The following MIPEP variants were observed in gnomAD, a reference collection of about 807,000 sequenced individuals.
The protein encoded by MIPEP is mitochondrial intermediate peptidase.
MIPEP carries 79 observed loss-of-function variants against 90.3 expected under a neutral mutation model. That is an observed-to-expected ratio of 0.87 (90% CI 0.73 to 1.05). The LOEUF is 1.05. Among genes scored for constraint, MIPEP ranks in the 50% least tolerant of loss-of-function variants. The pLI is 0.00. For missense variants in MIPEP, 940 were observed against 905.6 expected, an observed-to-expected ratio of 1.04 and a Z score of -0.49; for synonymous variants, 334 against 315.8, an observed-to-expected ratio of 1.06 and a Z score of -0.61.
At chr13:23,733,528 G>A (rs774911906) in intron 18 of MIPEP, among the ~76,000 whole-genome samples, 1 of 152,156 alleles carries the variant, frequency 6.6e-6, no homozygotes, top group Non-Finnish European at 1.5e-5. Flanking sequence ...GGTGGAAGGG[G>A]ACACTCCATG....
chr13:23,773,598 C>CA (rs1424973295), intron 16 of MIPEP, among the ~76,000 whole-genome samples: 2 of 152,120 alleles, frequency 1.3e-5, no homozygotes, highest in Non-Finnish European at 2.9e-5. Flanking sequence ...ATGAGGGTTC[C>CA]AATTTCTCCA....
intron 9 of MIPEP, among the ~76,000 whole-genome samples, chr13:23,859,550 G>T (rs1870198579): frequency 6.6e-6 from 1 of 152,176 alleles, no homozygotes; most frequent in African/African-American, 2.4e-5. Flanking sequence ...AGACCAGGCT[G>T]TGAAGACAGA....
intron 18 of MIPEP, among the ~76,000 whole-genome samples, chr13:23,732,351 A>G (rs957572752): frequency 1.3e-5 from 2 of 152,128 alleles, no homozygotes; most frequent in African/African-American, 4.8e-5. Flanking sequence ...GGATAAAATG[A>G]TACAATCACT....
At chr13:23,843,809 C>T (rs1869412440) in intron 10 of MIPEP, among the ~76,000 whole-genome samples, 1 of 152,130 alleles carries the variant, frequency 6.6e-6, no homozygotes, top group African/African-American at 2.4e-5. Context: ...GCAAACGTCT[C>T]AGGACTGTGT....
chr13:23,810,029 A>G (rs1953154799), intron 14 of MIPEP, 105 bp from the exon 15 acceptor site: 1 of 606,208 alleles, frequency 1.6e-6, no homozygotes, highest in African/African-American at 1.9e-5. Context: ...AACATGAGTA[A>G]TAGAATTTCA....
intron 13 of MIPEP, among the ~76,000 whole-genome samples, chr13:23,837,107 C>T (rs1786583883): frequency 6.6e-6 from 1 of 152,148 alleles, no homozygotes; most frequent in African/African-American, 2.4e-5. Flanking sequence ...TGATTTTATA[C>T]AGGGGAAAGT....
intron 14 of MIPEP, among the ~76,000 whole-genome samples, chr13:23,822,763 A>T (rs536036181): frequency 6.6e-6 from 1 of 152,150 alleles, no homozygotes; most frequent in African/African-American, 2.4e-5. Context: ...TATATTAAGA[A>T]GGTAAAAATC....
chr13:23,760,565 C>G (rs781480560), intron 16 of MIPEP: 24 of 545,784 alleles, frequency 4.4e-5, no homozygotes, highest in South Asian at 3.1e-4. Context: ...AGGTGGATGC[C>G]AGGGTGTGGG....
intron 18 of MIPEP, among the ~76,000 whole-genome samples, chr13:23,754,475 T>G (rs905200783): frequency 1.3e-5 from 2 of 152,244 alleles, no homozygotes; most frequent in African/African-American, 4.8e-5. Context: ...ATCTCTGGTT[T>G]GAATGATGGA....
intron 4 of MIPEP, among the ~76,000 whole-genome samples, chr13:23,876,668 A>G (rs1871086186): frequency 6.6e-6 from 1 of 150,772 alleles, no homozygotes; most frequent in Admixed American, 6.7e-5. Context: ...TTGTCATATC[A>G]GAACCATTTG....
intron 10 of MIPEP, among the ~76,000 whole-genome samples, chr13:23,846,911 C>A (rs1356930499): frequency 6.6e-6 from 1 of 152,140 alleles, no homozygotes; most frequent in Admixed American, 6.5e-5. Context: ...TTATACATAT[C>A]TCATTTAACA....
intron 2 of MIPEP, among the ~76,000 whole-genome samples, chr13:23,884,224 G>T (rs186520293): frequency 2.0e-5 from 3 of 150,718 alleles, no homozygotes; most frequent in East Asian, 2.0e-4. Context: ...GTGGGGAGGG[G>T]GGGGTGTGAC....
chr13:23,751,924 T>A (rs1461272993), intron 18 of MIPEP, among the ~76,000 whole-genome samples: 2 of 146,876 alleles, frequency 1.4e-5, no homozygotes, highest in Non-Finnish European at 1.5e-5. Flanking sequence ...GTTGCGACAT[T>A]AAAAAAAAAA....
At chr13:23,753,692 A>G (rs1952464156) in intron 18 of MIPEP, among the ~76,000 whole-genome samples, 1 of 152,232 alleles carries the variant, frequency 6.6e-6, no homozygotes, top group South Asian at 2.1e-4. Context: ...ACTTCCTTGA[A>G]TAGGGTGTTG....
rs182304174 is a variant in MIPEP at position 23,880,426 on chromosome 13, A to C, written c.453-1072T>G. 1.8e-3 allele frequency among the ~76,000 whole-genome samples: 267 copies of C among 152,312 alleles called. 1 individual carries two copies. Among genetic ancestry groups the C allele is most frequent in the African/African-American group, 6.2e-3 (256 of 41,574 alleles). On this transcript the variant is annotated intron_variant, in intron 3 of 18. Transcript: ENST00000382172. ...TGCCCCCACTGCAGAGGTTTAAGGA[A>C]ATCTCCCAGTAGTATGTTTTATGTT...
intron 16 of MIPEP, among the ~76,000 whole-genome samples, chr13:23,772,887 A>G (rs1952668485): frequency 6.6e-6 from 1 of 152,202 alleles, no homozygotes; most frequent in Admixed American, 6.5e-5. Flanking sequence ...AAAAATTGAG[A>G]TAAACATCAC....
chr13:23,860,725 C>T (rs1870256927), intron 9 of MIPEP, among the ~76,000 whole-genome samples: 1 of 152,112 alleles, frequency 6.6e-6, no homozygotes, highest in Non-Finnish European at 1.5e-5. Flanking sequence ...AATTCTATGC[C>T]TAACACTGGG....
intron 10 of MIPEP, among the ~76,000 whole-genome samples, chr13:23,857,548 C>A (rs532632270): frequency 4.6e-4 from 70 of 151,876 alleles, no homozygotes; most frequent in African/African-American, 1.7e-3. Flanking sequence ...TTGGCCTGGG[C>A]GACAAAGTGA....
rs897111042 is a variant in MIPEP at position 23,875,821 on chromosome 13, A to T, written c.540-912T>A. 4.6e-5 allele frequency among the ~76,000 whole-genome samples: 7 copies of T among 152,258 alleles called. No individual in the cohort carries two copies. In the East Asian group the frequency reaches 1.2e-3, roughly 25 times the overall value. Reference sequence around the variant, plus strand: ...TATTAAAATTCTTGTATTTCCTTTCAATCTACTTTTAATGTTATATTATAT... The same window carrying T: ...TATTAAAATTCTTGTATTTCCTTTCTATCTACTTTTAATGTTATATTATAT... On this transcript the variant is annotated intron_variant, in intron 4 of 18. Transcript: ENST00000382172.
Sources: gnomAD v4.1 joint callset for allele counts (sites outside exome capture counted in the v4.1 genomes callset) on GRCh38, gnomAD v4.1.1 for gene constraint, MANE v1.5 for transcripts, NCBI Gene and HGNC (gene_info 2026-07-23, HGNC 2026-07-21) for gene names.